The following TRPC6 variants were observed in gnomAD, a reference collection of about 807,000 sequenced individuals.
TRPC6 encodes short transient receptor potential channel 6.
Under a neutral mutation model 90.7 loss-of-function variants are expected in TRPC6, and 55 were observed. The observed-to-expected ratio is 0.61, with a 90% CI of 0.49 to 0.76. The LOEUF is 0.76. TRPC6 is among the 30% of genes least tolerant of loss of function. The probability of loss-of-function intolerance (pLI) is 0.00; values close to 1 mark genes in which losing one functional copy is unlikely to be tolerated. For synonymous variants in TRPC6, 393 were observed against 393.0 expected (o/e 1.00, Z 0.00); for missense variants, 989 against 1,122.7 (o/e 0.88, Z 1.70).
intron 4 of TRPC6, among the ~76,000 whole-genome samples, chr11:101,486,049 CTT>C (rs1306488482): frequency 1.3e-5 from 2 of 151,612 alleles, no homozygotes; most frequent in Non-Finnish European, 2.9e-5. Context: ...TATTAAAAGT[CTT>C]AGGGTATTTC....
chr11:101,482,057 C>T (rs1403509995), intron 5 of TRPC6, among the ~76,000 whole-genome samples: 1 of 152,170 alleles, frequency 6.6e-6, no homozygotes, highest in African/African-American at 2.4e-5. Flanking sequence ...GCTTCTTGCC[C>T]CTTCCATTTC....
intron 1 of TRPC6, among the ~76,000 whole-genome samples, chr11:101,555,051 C>T (rs563296430): frequency 3.3e-5 from 5 of 152,108 alleles, no homozygotes; most frequent in East Asian, 1.9e-4. Flanking sequence ...TATGACACTG[C>T]GGTCTGATAG....
chr11:101,490,279 T>C (rs1319784157), intron 3 of TRPC6, among the ~76,000 whole-genome samples: 1 of 152,168 alleles, frequency 6.6e-6, no homozygotes, highest in Non-Finnish European at 1.5e-5. Context: ...TTATTGACTG[T>C]TATATAAAGT....
intron 1 of TRPC6, among the ~76,000 whole-genome samples, chr11:101,549,035 A>G (rs762632143): frequency 2.6e-5 from 4 of 151,708 alleles, no homozygotes; most frequent in Middle Eastern, 3.2e-3. Context: ...TTGATGTTTC[A>G]TGTTCAAATA....
At chr11:101,553,822 T>C (rs1281193713) in intron 1 of TRPC6, among the ~76,000 whole-genome samples, 3 of 152,106 alleles carry the variant, frequency 2.0e-5, no homozygotes, top group Admixed American at 6.6e-5. Context: ...ACAAAAAGAT[T>C]CTTAAGATTT....
At chr11:101,567,932 A>G (rs1440416969) in intron 1 of TRPC6, among the ~76,000 whole-genome samples, 1 of 152,222 alleles carries the variant, frequency 6.6e-6, no homozygotes, top group Non-Finnish European at 1.5e-5. Flanking sequence ...CAAAAGGCTG[A>G]AAATTCCAAA....
At chr11:101,496,977 A>G (rs1859964204) in intron 2 of TRPC6, among the ~76,000 whole-genome samples, 1 of 152,208 alleles carries the variant, frequency 6.6e-6, no homozygotes, top group Non-Finnish European at 1.5e-5. Context: ...GACAAGGATT[A>G]TATCTTAGTC....
At chr11:101,478,330 G>A (rs1279257708) in intron 5 of TRPC6, among the ~76,000 whole-genome samples, 1 of 152,148 alleles carries the variant, frequency 6.6e-6, no homozygotes, top group Non-Finnish European at 1.5e-5. Flanking sequence ...GATCAAATTT[G>A]TAACAGGAAA....
intron 1 of TRPC6, among the ~76,000 whole-genome samples, chr11:101,523,453 T>C (rs1323423635): frequency 6.6e-6 from 1 of 152,238 alleles, no homozygotes; most frequent in Non-Finnish European, 1.5e-5. Context: ...TATGAGAAAA[T>C]GGAACTGAAC....
At chr11:101,531,889 A>G (rs766322340) in intron 1 of TRPC6, among the ~76,000 whole-genome samples, 4 of 152,136 alleles carry the variant, frequency 2.6e-5, no homozygotes, top group Non-Finnish European at 5.9e-5. Flanking sequence ...CGCCCTAAGC[A>G]TTCTCTCCCT....
intron 1 of TRPC6, among the ~76,000 whole-genome samples, chr11:101,558,212 TGTATATATGTATACATGTATATGG>T (rs199547468): frequency 0.069 from 7,733 of 111,708 alleles, 481 homozygotes; most frequent in East Asian, 0.14. Flanking sequence ...TGTGTATACA[TGTATATATGTATACATGTATATGG>T]GTATACATGT....
chr11:101,556,606 A>C (rs767968739), intron 1 of TRPC6, among the ~76,000 whole-genome samples: 5 of 152,214 alleles, frequency 3.3e-5, no homozygotes, highest in Non-Finnish European at 5.9e-5. Context: ...ATGGCTTCAC[A>C]GCTGAATTCT....
rs1369382771 is a variant in TRPC6 at position 101,491,730 on chromosome 11, G to A, written c.954C>T (p.Tyr318=). Residue 318 remains tyrosine, a synonymous_variant, in exon 3 of 13, where the codon TAC becomes TAT. Transcript: ENST00000344327. ...CTTTGCACTGCATTGACAGTTTTTT[G>A]TAGTCATTCTAGGAAAAACAAAGCA... The part of the protein sequence containing the change: ...ANIEKEFKND[Y]KKLSMQCKDF... 3 of 1,609,584 alleles carry A rather than the reference G, an allele frequency of 1.9e-6. No individual in the cohort carries two copies. The highest frequency in any genetic ancestry group is 1.7e-5 in the Admixed American group (1 of 59,816).
Position 101,580,822 on chromosome 11 carries a change from T to C in TRPC6, c.170+2512A>G, listed in dbSNP as rs1199075968. On this transcript the variant is annotated intron_variant, in intron 1 of 12. Coordinates refer to ENST00000344327, the MANE Select transcript of TRPC6 (RefSeq NM_004621.6). ...TACTAGTGATTGCCACTTTCAGAAATGATACACCTCCCACTATGAAATTGT... is the reference window on the plus strand; with the variant it reads ...TACTAGTGATTGCCACTTTCAGAAACGATACACCTCCCACTATGAAATTGT... Among the ~76,000 whole-genome samples, 3 of 152,152 alleles carry C rather than the reference T, an allele frequency of 2.0e-5. No homozygotes were observed. In the East Asian group the frequency reaches 5.8e-4, roughly 29 times the overall value.
intron 10 of TRPC6, among the ~76,000 whole-genome samples, chr11:101,461,361 T>C (rs993383807): frequency 6.6e-6 from 1 of 152,104 alleles, no homozygotes; most frequent in Admixed American, 6.5e-5. Context: ...GTCCAGGAGT[T>C]TGAGTTCAAC....
At chr11:101,504,851 T>C in intron 1 of TRPC6, 53 bp from the exon 2 acceptor site, 1 of 1,594,508 alleles carries the variant, frequency 6.3e-7, no homozygotes, top group Non-Finnish European at 8.5e-7. Flanking sequence ...CATTTTAGTG[T>C]GCCAAATGAC....
intron 1 of TRPC6, among the ~76,000 whole-genome samples, chr11:101,579,063 T>C (rs893100120): frequency 2.0e-5 from 3 of 152,150 alleles, no homozygotes; most frequent in Admixed American, 6.5e-5. Flanking sequence ...TCTATTCAAG[T>C]CTTGCCTCTC....
chr11:101,554,428 G>A (rs1861518484), intron 1 of TRPC6, among the ~76,000 whole-genome samples: 1 of 151,602 alleles, frequency 6.6e-6, no homozygotes, highest in East Asian at 1.9e-4. Context: ...AAATTAACCT[G>A]TTAAGAGAAT....
chr11:101,521,548 C>G (rs1210783992), intron 1 of TRPC6, among the ~76,000 whole-genome samples: 2 of 152,244 alleles, frequency 1.3e-5, no homozygotes, highest in Non-Finnish European at 2.9e-5. Context: ...AGCCCCCACA[C>G]TGAGTCCCTA....
Sources: gnomAD v4.1 joint callset for allele counts (sites outside exome capture counted in the v4.1 genomes callset) on GRCh38, gnomAD v4.1.1 for gene constraint, MANE v1.5 for transcripts, NCBI Gene and HGNC (gene_info 2026-07-23, HGNC 2026-07-21) for gene names.